Variants in TBC1D22A observed in about 807,000 individuals in gnomAD.
The protein encoded by TBC1D22A is putative GTPase activator.
A neutral mutation model predicts 60.2 loss-of-function variants in TBC1D22A; 38 were observed. That is an observed-to-expected ratio of 0.63 (90% CI 0.49 to 0.83). The LOEUF is 0.83. Among genes scored for constraint, TBC1D22A ranks in the 40% least tolerant of loss-of-function variants. The pLI, the probability that TBC1D22A is intolerant of heterozygous loss-of-function variation, is 0.00. For synonymous variants in TBC1D22A, 302 were observed against 281.7 expected (o/e 1.07, Z -0.72); for missense variants, 628 against 701.0 (o/e 0.90, Z 1.18).
chr22:46,767,400 G>C (rs2083324712), intron 1 of TBC1D22A, among the ~76,000 whole-genome samples: 1 of 152,210 alleles, frequency 6.6e-6, no homozygotes, highest in African/African-American at 2.4e-5. Context: ...GAGGAGAAAA[G>C]AATGGGCTTC....
rs150676682 is a variant in TBC1D22A at position 47,157,319 on chromosome 22, G to T, written c.1426-16179G>T. On this transcript the variant is annotated intron_variant, in intron 12 of 12. Transcript: ENST00000337137. ...CTGCACTATCCTGCACCTCTCAGCC[G>T]CTTTCCCGATCTCTTTTTGGTGTTC... 1.3e-5 allele frequency among the ~76,000 whole-genome samples: 2 copies of T among 152,206 alleles called. 1 individual carries two copies. Among genetic ancestry groups the T allele is most frequent in the African/African-American group, 4.8e-5 (2 of 41,446 alleles).
intron 8 of TBC1D22A, among the ~76,000 whole-genome samples, chr22:46,940,112 C>T (rs2071895913): frequency 6.6e-6 from 1 of 152,200 alleles, no homozygotes; most frequent in South Asian, 2.1e-4. Flanking sequence ...ATACTGTCAT[C>T]TATTAAGTGT....
chr22:47,132,001 T>C (rs2066694661), intron 12 of TBC1D22A, among the ~76,000 whole-genome samples: 1 of 152,166 alleles, frequency 6.6e-6, no homozygotes, highest in African/African-American at 2.4e-5. Context: ...CTGATAAACT[T>C]TGGTCAAGTA....
intron 9 of TBC1D22A, among the ~76,000 whole-genome samples, chr22:46,991,016 T>C (rs930324496): frequency 4.6e-5 from 7 of 152,170 alleles, no homozygotes; most frequent in African/African-American, 1.7e-4. Flanking sequence ...CACTGTTTGA[T>C]GGCTGACACA....
chr22:47,061,913 C>T (rs2063589812), intron 11 of TBC1D22A, among the ~76,000 whole-genome samples: 1 of 151,938 alleles, frequency 6.6e-6, no homozygotes, highest in Non-Finnish European at 1.5e-5. Flanking sequence ...CATGGCAAAA[C>T]CCCGTTTCTA....
At chr22:47,041,530 C>T (rs2062844126) in intron 11 of TBC1D22A, among the ~76,000 whole-genome samples, 1 of 152,220 alleles carries the variant, frequency 6.6e-6, no homozygotes, top group South Asian at 2.1e-4. Context: ...GCCTACTGGT[C>T]ACCAAACAGA....
chr22:47,062,087 C>CAAAAAAA (rs908701365), intron 11 of TBC1D22A, among the ~76,000 whole-genome samples: 18,325 of 62,182 alleles, frequency 0.29, 3,228 homozygotes, highest in East Asian at 0.45. Context: ...GACTCCATCT[C>CAAAAAAA]AAAAAAAAAA....
intron 12 of TBC1D22A, 25 bp downstream of exon 12, chr22:47,111,628 A>G: frequency 6.3e-7 from 1 of 1,596,678 alleles, no homozygotes; most frequent in Non-Finnish European, 8.6e-7. Context: ...TTTCAAAAGA[A>G]CCCAAGTTTG....
intron 8 of TBC1D22A, chr22:46,913,827 T>C: frequency 1.1e-6 from 1 of 915,742 alleles, no homozygotes; most frequent in Non-Finnish European, 1.3e-6. Context: ...ACCTAAGCGA[T>C]TCTTAATGCA....
At chr22:46,922,635 G>C (rs2147850007) in intron 8 of TBC1D22A, among the ~76,000 whole-genome samples, 1 of 152,232 alleles carries the variant, frequency 6.6e-6, no homozygotes, top group South Asian at 2.1e-4. Flanking sequence ...TCTCATTGTA[G>C]AGATCTTATA....
intron 8 of TBC1D22A, among the ~76,000 whole-genome samples, chr22:46,953,451 G>A (rs1239466966): frequency 6.6e-6 from 1 of 150,950 alleles, no homozygotes; most frequent in Non-Finnish European, 1.5e-5. Context: ...TTTAAAAAAT[G>A]CCTTTCATAT....
intron 2 of TBC1D22A, among the ~76,000 whole-genome samples, chr22:46,793,036 T>C (rs911075544): frequency 6.6e-6 from 1 of 152,272 alleles, no homozygotes; most frequent in Non-Finnish European, 1.5e-5. Flanking sequence ...CTGACAAGTT[T>C]CTCACGTGAG....
chr22:46,917,127 G>A (rs2070421486), intron 8 of TBC1D22A, among the ~76,000 whole-genome samples: 1 of 152,226 alleles, frequency 6.6e-6, no homozygotes, highest in South Asian at 2.1e-4. Flanking sequence ...ACGACACTCA[G>A]CTAGGAACAG....
At chr22:46,938,044 A>G (rs543907059) in intron 8 of TBC1D22A, among the ~76,000 whole-genome samples, 1 of 152,348 alleles carries the variant, frequency 6.6e-6, no homozygotes, top group East Asian at 1.9e-4. Context: ...ATTAATAATA[A>G]TAAATGTCGT....
chr22:47,083,348 GACACAC>G (rs10549216), intron 11 of TBC1D22A, among the ~76,000 whole-genome samples: 46,357 of 148,514 alleles, frequency 0.31, 7,536 homozygotes, highest in East Asian at 0.56. Flanking sequence ...ATACTTAGAA[GACACAC>G]ACACACACAC....
intron 12 of TBC1D22A, among the ~76,000 whole-genome samples, chr22:47,113,135 C>T (rs2065909941): frequency 6.6e-6 from 1 of 152,206 alleles, no homozygotes; most frequent in South Asian, 2.1e-4. Flanking sequence ...GAGAAGGGCC[C>T]AGCCTCTCTG....
intron 7 of TBC1D22A, among the ~76,000 whole-genome samples, chr22:46,904,530 G>A (rs2069306849): frequency 6.6e-6 from 1 of 151,598 alleles, no homozygotes; most frequent in South Asian, 2.1e-4. Context: ...GTGCAGTGGT[G>A]TGATCTTGGC....
intron 8 of TBC1D22A, among the ~76,000 whole-genome samples, chr22:46,965,422 C>A (rs1228570508): frequency 6.6e-6 from 1 of 152,204 alleles, no homozygotes; most frequent in South Asian, 2.1e-4. Flanking sequence ...CCGACGGCCC[C>A]CGTCTCGGTA....
chr22:46,837,385 G>A (rs1311714148), intron 4 of TBC1D22A, among the ~76,000 whole-genome samples: 2 of 152,166 alleles, frequency 1.3e-5, no homozygotes, highest in African/African-American at 4.8e-5. Context: ...TAACAATATG[G>A]ACCAAATGGA....
Sources: gnomAD v4.1 joint callset for allele counts (sites outside exome capture counted in the v4.1 genomes callset) on GRCh38, gnomAD v4.1.1 for gene constraint, MANE v1.5 for transcripts, NCBI Gene and HGNC (gene_info 2026-07-23, HGNC 2026-07-21) for gene names.